The following PRDM16 variants were observed in gnomAD, a reference collection of about 807,000 sequenced individuals.
PRDM16 encodes the protein histone-lysine N-methyltransferase PRDM16.
A neutral mutation model predicts 110.6 loss-of-function variants in PRDM16; 23 were observed. The ratio of observed to expected loss-of-function variants is 0.21; its 90% CI spans 0.15 to 0.29. The LOEUF is 0.29. Ranked by LOEUF, PRDM16 falls within the 10% of genes least tolerant of loss-of-function variation. PRDM16 has a pLI of 1.00. For synonymous variants in PRDM16, 799 were observed against 781.8 expected (o/e 1.02, Z -0.37); for missense variants, 1,615 against 1,794.3 (o/e 0.90, Z 1.81).
intron 3 of PRDM16, among the ~76,000 whole-genome samples, chr1:3,315,365 A>G (rs1256512918): frequency 6.6e-6 from 1 of 152,110 alleles, no homozygotes; most frequent in Non-Finnish European, 1.5e-5. Flanking sequence ...TGCCGCATCT[A>G]TAGATTTTAA....
chr1:3,084,492 G>A (rs1399477283), intron 1 of PRDM16, among the ~76,000 whole-genome samples: 1 of 152,164 alleles, frequency 6.6e-6, no homozygotes, highest in Non-Finnish European at 1.5e-5. Flanking sequence ...TGCTGGGGGC[G>A]AGGGGCCACA....
intron 3 of PRDM16, among the ~76,000 whole-genome samples, chr1:3,249,619 G>A (rs936633394): frequency 2.6e-5 from 4 of 152,164 alleles, no homozygotes; most frequent in Non-Finnish European, 4.4e-5. Flanking sequence ...ATTTGCATGT[G>A]GGATCAGTTA....
chr1:3,160,196 T>A (rs901603834), intron 1 of PRDM16, among the ~76,000 whole-genome samples: 2 of 152,158 alleles, frequency 1.3e-5, no homozygotes, highest in African/African-American at 4.8e-5. Flanking sequence ...CCCCTGGGGA[T>A]CCCCGGTGAG....
chr1:3,194,185 G>A (rs1414480315), intron 2 of PRDM16, among the ~76,000 whole-genome samples: 3 of 152,204 alleles, frequency 2.0e-5, no homozygotes, highest in Non-Finnish European at 4.4e-5. Flanking sequence ...CTTCTGCAAC[G>A]CTCAGTGCAC....
chr1:3,322,865 G>T (rs548374971), intron 3 of PRDM16, among the ~76,000 whole-genome samples: 13 of 152,312 alleles, frequency 8.5e-5, no homozygotes, highest in Non-Finnish European at 1.8e-4. Flanking sequence ...TTTTCAGCAG[G>T]GGTTCATGGC....
intron 14 of PRDM16, among the ~76,000 whole-genome samples, chr1:3,427,444 G>A (rs1425756540): frequency 6.6e-6 from 1 of 152,138 alleles, no homozygotes; most frequent in Non-Finnish European, 1.5e-5. Context: ...CTAAGGCTCT[G>A]TACCCACAGG....
rs566362487 is a variant in PRDM16 at position 3,256,846 on chromosome 1, G to A, written c.438+12709G>A. 1.8e-3 allele frequency among the ~76,000 whole-genome samples: 267 copies of A among 147,182 alleles called. 2 individuals carry two copies. Among genetic ancestry groups the A allele is most frequent in the African/African-American group, 6.3e-3 (258 of 40,638 alleles). ...CACTCCAGCCTGGGCGACAGAGTGC[G>A]ACTCCATCTCAAAATAAATAAATAA... On this transcript the variant is annotated intron_variant, in intron 3 of 16. Transcript: ENST00000270722.
rs376280564 is a variant in PRDM16, at chr1:3,436,075, G to A, written c.*2264G>A. On this transcript the variant is annotated 3_prime_UTR_variant, in exon 17 of 17. Transcript: ENST00000270722. ...CTGGGTCAGACCCACCAGGTACCCC[G>A]TAGGAATTTCCAGTTTCCCTTGATC... The A allele has an allele frequency of 1.9e-4, 44 of 230,890 alleles. No homozygotes were observed. The highest frequency in any genetic ancestry group is 7.7e-4 in the African/African-American group (35 of 45,306). 14.3% of individuals were successfully genotyped at this position (230,890 alleles called of 1,614,324 possible). A position where few individuals can be genotyped will look rare whatever the true frequency, so the allele number is the denominator to read the frequency against.
chr1:3,125,922 G>A (rs1319496968), intron 1 of PRDM16, among the ~76,000 whole-genome samples: 1 of 152,206 alleles, frequency 6.6e-6, no homozygotes, highest in Non-Finnish European at 1.5e-5. Flanking sequence ...TAATGACAGG[G>A]GCATTAGAGG....
chr1:3,199,555 C>A (rs376441618), intron 2 of PRDM16, among the ~76,000 whole-genome samples: 81 of 152,270 alleles, frequency 5.3e-4, no homozygotes, highest in African/African-American at 1.9e-3. Context: ...CTGGGTCAGC[C>A]AAAGTCCCAT....
chr1:3,323,870 C>T (rs1641822149), intron 3 of PRDM16, among the ~76,000 whole-genome samples: 1 of 152,232 alleles, frequency 6.6e-6, no homozygotes, highest in Non-Finnish European at 1.5e-5. Flanking sequence ...AGAGACCCCC[C>T]AGGGGCTCCC....
chr1:3,432,084 T>G lies in PRDM16; in HGVS notation c.3640T>G (p.Ser1214Ala). ...ATTTGAAGTTAAAGATGTGCTTAAT[T>G]CCACCTTAGATTCTGAGGCTTTAAA... Reference protein sequence around the residue: ...EAFEVKDVLNSTLDSEALKHT... With the variant: ...EAFEVKDVLNATLDSEALKHT... Residue 1214 changes from serine (S) to alanine (A), a missense_variant, in exon 16 of 17, where the codon TCC becomes GCC. Physicochemically the swap from Ser to Ala is moderately conservative, Grantham distance 99 (BLOSUM62 1). Around this residue, in one of 5 missense-constraint regions of PRDM16, gnomAD observed 327 missense variants for 359.3 expected, o/e 0.91. Coordinates refer to ENST00000270722, the MANE Select transcript of PRDM16 (RefSeq NM_022114.4). 1 of 1,614,006 alleles carries G rather than the reference T, an allele frequency of 6.2e-7. No homozygotes were observed. The highest frequency in any genetic ancestry group is 1.1e-5 in the South Asian group (1 of 91,084).
chr1:3,405,393 C>T, intron 7 of PRDM16, 102 bp from the exon 8 acceptor site: 3 of 1,328,518 alleles, frequency 2.3e-6, no homozygotes, highest in Non-Finnish European at 3.0e-6. Flanking sequence ...GCAAGAGAGA[C>T]AGGCAGGGCC....
chr1:3,354,984 G>A (rs1642564420), intron 3 of PRDM16, among the ~76,000 whole-genome samples: 1 of 152,166 alleles, frequency 6.6e-6, no homozygotes, highest in Non-Finnish European at 1.5e-5. Flanking sequence ...GCGGAAATCT[G>A]ACCAGAGGCA....
intron 3 of PRDM16, among the ~76,000 whole-genome samples, chr1:3,302,223 C>T (rs984313093): frequency 6.6e-6 from 1 of 152,184 alleles, no homozygotes; most frequent in African/African-American, 2.4e-5. Context: ...ACACAGGCGT[C>T]TCCGAGATTT....
intron 3 of PRDM16, among the ~76,000 whole-genome samples, chr1:3,338,620 C>G (rs1570100387): frequency 6.6e-6 from 1 of 152,204 alleles, no homozygotes; most frequent in Non-Finnish European, 1.5e-5. Flanking sequence ...GCCCCTCCAC[C>G]TCCGGCCTGA....
chr1:3,337,998 T>C (rs1394014197), intron 3 of PRDM16, among the ~76,000 whole-genome samples: 1 of 152,050 alleles, frequency 6.6e-6, no homozygotes, highest in African/African-American at 2.4e-5. Context: ...CAAAAACACA[T>C]GCACACAAAT....
intron 1 of PRDM16, among the ~76,000 whole-genome samples, chr1:3,165,090 C>A (rs1338146214): frequency 1.3e-5 from 2 of 152,236 alleles, no homozygotes. Context: ...AGCTCCGGGC[C>A]CCCCTCTGCC....
At chr1:3,092,071 C>T (rs1036767748) in intron 1 of PRDM16, among the ~76,000 whole-genome samples, 3 of 152,226 alleles carry the variant, frequency 2.0e-5, no homozygotes, top group Non-Finnish European at 4.4e-5. Context: ...GGGTGGACCA[C>T]GCAGGATCGC....
Sources: allele counts gnomAD v4.1 joint callset (sites outside exome capture counted in the v4.1 genomes callset), GRCh38; gene constraint gnomAD v4.1.1; regional missense constraint gnomAD v4.1.1; transcripts MANE v1.5; gene names NCBI Gene and HGNC (gene_info 2026-07-23, HGNC 2026-07-21).